The following NUP54 variants were observed in gnomAD, a reference collection of about 807,000 sequenced individuals.
NUP54 encodes nucleoporin p54.
In NUP54, 27 loss-of-function variants were observed where a neutral mutation model predicts 66.4. That is an observed-to-expected ratio of 0.41 (90% CI 0.30 to 0.56). NUP54 has a LOEUF of 0.56. NUP54 is among the 20% of genes least tolerant of loss of function. NUP54 has a pLI of 0.34. For synonymous variants in NUP54, 206 were observed against 210.7 expected (o/e 0.98, Z 0.19); for missense variants, 486 against 596.3 (o/e 0.82, Z 1.93).
At chr4:76,128,974 C>T (rs1360682891) in intron 8 of NUP54, among the ~76,000 whole-genome samples, 1 of 152,128 alleles carries the variant, frequency 6.6e-6, no homozygotes, top group Non-Finnish European at 1.5e-5. Flanking sequence ...TTAACAGATA[C>T]AAAAGTACAG....
intron 11 of NUP54, among the ~76,000 whole-genome samples, chr4:76,116,545 C>T (rs1048113931): frequency 1.3e-5 from 2 of 152,156 alleles, no homozygotes; most frequent in Admixed American, 6.5e-5. Context: ...CTTTTTCACA[C>T]AATGTGAAAA....
intron 1 of NUP54, 74 bp downstream of exon 1, chr4:76,148,234 G>A: frequency 9.6e-7 from 1 of 1,042,712 alleles, no homozygotes; most frequent in South Asian, 3.9e-5. Flanking sequence ...CCCCAGGTCG[G>A]AGAGTCTCGG....
chr4:76,145,369 A>T (rs531061095), intron 1 of NUP54, among the ~76,000 whole-genome samples: 1 of 147,530 alleles, frequency 6.8e-6, no homozygotes, highest in African/African-American at 2.4e-5. Context: ...TAATTCAACT[A>T]CTTTTTTTTG....
chr4:76,144,133 A>G lies in NUP54; in HGVS notation c.295+16T>C. The G allele has an allele frequency of 3.1e-6, 5 of 1,613,092 alleles. No homozygotes were observed. Among genetic ancestry groups the G allele is most frequent in the Non-Finnish European group, 3.4e-6 (4 of 1,179,610 alleles). On this transcript the variant is annotated intron_variant, in intron 3 of 11. Transcript: ENST00000264883. Reference sequence around the variant, plus strand: ...CATCACGGTTTTGTATTTGAAGCTGAAAACCTCATACTTACTAGTTTGCTG... The same window carrying G: ...CATCACGGTTTTGTATTTGAAGCTGGAAACCTCATACTTACTAGTTTGCTG...
intron 9 of NUP54, 60 bp downstream of exon 9, chr4:76,124,589 A>G (rs1730376781): frequency 1.6e-6 from 1 of 624,426 alleles, no homozygotes. Context: ...ATCTATATTT[A>G]GTACATTATT....
In NUP54 at chr4:76,142,513, T is replaced by A. The variant is rs76272109; in HGVS notation, c.295+1636A>T. On this transcript the variant is annotated intron_variant, in intron 3 of 11. Coordinates refer to ENST00000264883, the MANE Select transcript of NUP54 (RefSeq NM_017426.4). ...ACTAGAATGAGTAGTTGAATTTGCATCCCTGTACTTCTTCTAGAGAGGTAT... is the reference window on the plus strand; with the variant it reads ...ACTAGAATGAGTAGTTGAATTTGCAACCCTGTACTTCTTCTAGAGAGGTAT... 5.9e-3 allele frequency among the ~76,000 whole-genome samples: 905 copies of A among 152,334 alleles called. 10 individuals are homozygous for A. Among genetic ancestry groups the A allele is most frequent in the African/African-American group, 0.02 (852 of 41,578 alleles).
intron 4 of NUP54, 80 bp downstream of exon 4, chr4:76,136,106 T>C (rs150250839): frequency 4.2e-5 from 39 of 927,008 alleles, no homozygotes; most frequent in African/African-American, 4.2e-4. Flanking sequence ...ATCCAAGCAA[T>C]TGTTATCTTG....
At chr4:76,117,829 A>C in intron 10 of NUP54, 55 bp from the exon 11 acceptor site, 1 of 1,379,090 alleles carries the variant, frequency 7.3e-7, no homozygotes, top group Non-Finnish European at 1.0e-6. Context: ...TGTAAAAGAC[A>C]ATGTTTTCTT....
At chr4:76,116,761 C>T (rs780015743) in intron 11 of NUP54, among the ~76,000 whole-genome samples, 5 of 152,128 alleles carry the variant, frequency 3.3e-5, no homozygotes, top group Admixed American at 6.5e-5. Context: ...AGATTGAGTA[C>T]GTCTGGAGTA....
intron 7 of NUP54, 186 bp from the exon 8 acceptor site, chr4:76,130,935 A>G: frequency 1.6e-6 from 1 of 610,096 alleles, no homozygotes; most frequent in Non-Finnish European, 2.9e-6. Context: ...TTTACAAATG[A>G]GGAAATACAG....
chr4:76,134,717 T>C (rs1310678931), intron 4 of NUP54, among the ~76,000 whole-genome samples: 1 of 132,210 alleles, frequency 7.6e-6, no homozygotes, highest in Non-Finnish European at 1.6e-5. Context: ...CTAATTATAA[T>C]TTATTTCACT....
Position 76,122,199 on chromosome 4 carries a change from G to A in NUP54, c.1164+2450C>T, listed in dbSNP as rs112073897. Among the ~76,000 whole-genome samples, 429 of 152,242 alleles carry A rather than the reference G, an allele frequency of 2.8e-3. 3 individuals are homozygous for A. Among genetic ancestry groups the A allele is most frequent in the African/African-American group, 0.01 (420 of 41,556 alleles). On this transcript the variant is annotated intron_variant, in intron 9 of 11. Coordinates refer to ENST00000264883, the MANE Select transcript of NUP54 (RefSeq NM_017426.4). ...CTGAAATAAACTTTACTTGGTCATA[G>A]TATATTTTTTAAGAAATTGATAAAT...
At chr4:76,120,357 T>C (rs1327187184) in intron 9 of NUP54, among the ~76,000 whole-genome samples, 3 of 152,000 alleles carry the variant, frequency 2.0e-5, no homozygotes, top group Non-Finnish European at 4.4e-5. Context: ...TTTCCCCACA[T>C]TCCTGTCAAG....
intron 9 of NUP54, 86 bp from the exon 10 acceptor site, chr4:76,118,280 A>T (rs1730047469): frequency 8.0e-7 from 1 of 1,255,920 alleles, no homozygotes; most frequent in Non-Finnish European, 1.1e-6. Flanking sequence ...TACTGAAAGA[A>T]ATCAGCTGAA....
intron 9 of NUP54, among the ~76,000 whole-genome samples, chr4:76,119,452 G>A (rs367784996): frequency 3.3e-5 from 5 of 151,734 alleles, no homozygotes; most frequent in East Asian, 1.9e-4. Flanking sequence ...ATGCAGCATC[G>A]ATCTCCTAGG....
In NUP54 at chr4:76,117,891, G is replaced by C. The variant is rs556319053; in HGVS notation, c.1285-117C>G. The C allele has an allele frequency of 2.7e-5, 27 of 1,003,932 alleles. No individual in the cohort carries two copies. The East Asian group carries it at 3.9e-4, about 15-fold the overall frequency. The allele number at this position is 1,003,932 out of a possible 1,614,324, so 62.2% of individuals were successfully genotyped here. A position where few individuals can be genotyped will look rare whatever the true frequency, so the allele number is the denominator to read the frequency against. ...ATTAAAAATTTCTATTTCTCTCTCT[G>C]TACATTATATTCGAAACACTAATAC... On this transcript the variant is annotated intron_variant, in intron 10 of 11. Transcript: ENST00000264883.
In NUP54 at chr4:76,117,687, C is replaced by T; in HGVS notation, c.1372G>A (p.Asp458Asn). The stretch of plus-strand genomic sequence containing the variant: ...ACCTGCTTGATTTCTCGTAACAGAT[C>T]TGCATCTATGTAATACCTTTCTTCA... Reference protein sequence around the residue: ...RSEERYYIDADLLREIKQHLK... With the variant: ...RSEERYYIDANLLREIKQHLK... The change falls in exon 11 of 12, where the codon GAT becomes AAT. Residue 458 changes from aspartate to asparagine, a missense_variant. Around this residue, in one of 4 missense-constraint regions of NUP54, gnomAD observed 83 missense variants for 128.6 expected, o/e 0.65. Transcript: ENST00000264883. 6.2e-7 allele frequency: 1 copy of T among 1,612,036 alleles called. No individual in the cohort carries two copies. The highest frequency in any genetic ancestry group is 1.1e-5 in the South Asian group (1 of 90,968).
intron 1 of NUP54, among the ~76,000 whole-genome samples, chr4:76,145,196 T>G: frequency 6.6e-6 from 1 of 151,446 alleles, no homozygotes. Flanking sequence ...CGGGCGCCTG[T>G]AGTCCCAGCT....
At chr4:76,123,179 T>C (rs868384989) in intron 9 of NUP54, among the ~76,000 whole-genome samples, 2 of 152,244 alleles carry the variant, frequency 1.3e-5, no homozygotes, top group Non-Finnish European at 2.9e-5. Flanking sequence ...CATTGAATTG[T>C]ACACTTTAAA....
Sources: allele counts gnomAD v4.1 joint callset (sites outside exome capture counted in the v4.1 genomes callset), GRCh38; gene constraint gnomAD v4.1.1; regional missense constraint gnomAD v4.1.1; transcripts MANE v1.5; gene names NCBI Gene and HGNC (gene_info 2026-07-23, HGNC 2026-07-21).